The following RNF24 variants were observed in gnomAD, a reference collection of about 807,000 sequenced individuals.
The protein encoded by RNF24 is ring finger protein 24.
In RNF24, 14 loss-of-function variants were observed where a neutral mutation model predicts 20.0. The observed-to-expected ratio is 0.70, with a 90% CI of 0.46 to 1.10. RNF24 has a LOEUF of 1.10. Ranked by LOEUF, RNF24 falls within the 50% of genes least tolerant of loss-of-function variation. The probability of loss-of-function intolerance (pLI) is 0.00; values close to 1 mark genes in which losing one functional copy is unlikely to be tolerated. For synonymous variants in RNF24, 45 were observed against 61.1 expected, an observed-to-expected ratio of 0.74 and a Z score of 1.23; for missense variants, 124 against 177.6, an observed-to-expected ratio of 0.70 and a Z score of 1.71.
chr20:3,996,693 T>G (rs1411863253), intron 1 of RNF24, among the ~76,000 whole-genome samples: 1 of 152,218 alleles, frequency 6.6e-6, no homozygotes, highest in Admixed American at 6.5e-5. Flanking sequence ...CTGATGCACA[T>G]GAAGTTGTCT....
intron 1 of RNF24, among the ~76,000 whole-genome samples, chr20:4,011,390 G>C (rs1982447868): frequency 6.6e-6 from 1 of 152,174 alleles, no homozygotes; most frequent in African/African-American, 2.4e-5. Context: ...GGAAGACACA[G>C]GGTCCAGGAA....
chr20:3,940,498 A>G (rs1322966748), intron 4 of RNF24, among the ~76,000 whole-genome samples: 1 of 152,094 alleles, frequency 6.6e-6, no homozygotes, highest in Non-Finnish European at 1.5e-5. Flanking sequence ...AGGAGAGAGA[A>G]AGAGTGAAAT....
Position 3,998,231 on chromosome 20 carries a change from G to A in RNF24, c.-8+17206C>T, listed in dbSNP as rs369140515. ...CAAGGCGGGCGGATCACAAGGTCAG[G>A]AGTTCGAGAGCAACCTGACCAACAA... On this transcript the variant is annotated intron_variant, in intron 1 of 5. Transcript: ENST00000358395. Among the ~76,000 whole-genome samples the A allele has an allele frequency of 1.2e-4, 18 of 151,830 alleles. No individual in the cohort carries two copies. In the East Asian group the frequency reaches 3.5e-3, roughly 30 times the overall value.
At position 3,933,806 on chromosome 20, in the gene RNF24, C is replaced by T. The variant is rs1441427861; in HGVS notation, c.*257G>A. 1 of 310,502 alleles carries T rather than the reference C, an allele frequency of 3.2e-6. No homozygotes were observed. Among genetic ancestry groups the T allele is most frequent in the Non-Finnish European group, 5.9e-6 (1 of 170,100 alleles). 19.2% of individuals were successfully genotyped at this position (310,502 alleles called of 1,614,324 possible). ...GAGTGTAATGGAGTTAGTAAGAGAC[C>T]CTCATGAAGTTTCTTGAGGCAAACC... On this transcript the variant is annotated 3_prime_UTR_variant, in exon 6 of 6. Coordinates refer to ENST00000358395, the MANE Select transcript of RNF24 (RefSeq NM_001134337.3).
chr20:3,939,574 T>A (rs1459645958), intron 4 of RNF24, among the ~76,000 whole-genome samples: 1 of 152,236 alleles, frequency 6.6e-6, no homozygotes, highest in East Asian at 1.9e-4. Context: ...AATATACCTG[T>A]GTCACATGTA....
At chr20:3,949,915 T>C (rs796797118) in intron 2 of RNF24, among the ~76,000 whole-genome samples, 13 of 152,326 alleles carry the variant, frequency 8.5e-5, no homozygotes, top group African/African-American at 3.1e-4. Flanking sequence ...CAATTTGTTG[T>C]TTTACCTAAC....
chr20:4,004,408 C>A (rs1253709313), intron 1 of RNF24, among the ~76,000 whole-genome samples: 1 of 152,066 alleles, frequency 6.6e-6, no homozygotes, highest in African/African-American at 2.4e-5. Context: ...ATCTTACTCT[C>A]TTGAGTGGAT....
rs995231947 is a variant in RNF24, at chr20:3,930,506, A to G, written c.*3557T>C. 1.3e-5 allele frequency: 2 copies of G among 152,106 alleles called. No homozygotes were observed. The highest frequency in any genetic ancestry group is 1.3e-4 in the Admixed American group (2 of 15,276). The allele number at this position is 152,106 out of a possible 1,614,324, so 9.4% of individuals were successfully genotyped here. On this transcript the variant is annotated 3_prime_UTR_variant, in exon 6 of 6. Coordinates refer to ENST00000358395, the MANE Select transcript of RNF24 (RefSeq NM_001134337.3). ...AAGAGGTGCCAGGGACGTTACTACA[A>G]TCCCTGGGTGGTAGCTAAGGAAGCT... is the stretch of plus-strand genomic sequence containing the variant.
intron 1 of RNF24, among the ~76,000 whole-genome samples, chr20:3,996,758 C>T (rs971883655): frequency 2.6e-5 from 4 of 152,148 alleles, no homozygotes; most frequent in Non-Finnish European, 5.9e-5. Context: ...TGCTTCATCC[C>T]TTTCTCCATC....
chr20:3,984,035 G>A (rs1979669537), intron 1 of RNF24, among the ~76,000 whole-genome samples: 1 of 151,314 alleles, frequency 6.6e-6, no homozygotes. Flanking sequence ...AGGGTAGGAG[G>A]ACAACTTGAG....
chr20:3,980,955 G>A (rs1015208139), intron 1 of RNF24, among the ~76,000 whole-genome samples: 1 of 148,756 alleles, frequency 6.7e-6, no homozygotes, highest in Non-Finnish European at 1.5e-5. Context: ...TGCACAATTT[G>A]TGTGTGTGTG....
At chr20:3,935,689 C>T (rs2090882238) in intron 4 of RNF24, among the ~76,000 whole-genome samples, 1 of 152,230 alleles carries the variant, frequency 6.6e-6, no homozygotes, top group Non-Finnish European at 1.5e-5. Flanking sequence ...GACTAGTCTC[C>T]ATGGCTTGGA....
rs150928983 is a variant in RNF24, at chr20:4,011,942, T to C, written c.-8+3495A>G. Reference sequence around the variant, plus strand: ...GTATAAACATTAAAAATGAAATAAGTATAAAGGTAAATACCAAAAGAAACC... The same window carrying C: ...GTATAAACATTAAAAATGAAATAAGCATAAAGGTAAATACCAAAAGAAACC... On this transcript the variant is annotated intron_variant, in intron 1 of 5. Coordinates refer to ENST00000358395, the MANE Select transcript of RNF24 (RefSeq NM_001134337.3). Among the ~76,000 whole-genome samples the C allele has an allele frequency of 6.4e-4, 98 of 152,198 alleles. 2 individuals are homozygous for C. The highest frequency in any genetic ancestry group is 6.1e-3 in the Admixed American group (94 of 15,290).
chr20:3,997,413 G>A (rs905774110), intron 1 of RNF24, among the ~76,000 whole-genome samples: 1 of 151,692 alleles, frequency 6.6e-6, no homozygotes, highest in African/African-American at 2.4e-5. Flanking sequence ...TCTAATTCTA[G>A]GTCAGAAAAA....
rs897719820 is a variant in RNF24, at chr20:3,932,951, G to A, written c.*1112C>T. 12 of 398,378 alleles carry A rather than the reference G, an allele frequency of 3.0e-5. No individual in the cohort carries two copies. Among genetic ancestry groups the A allele is most frequent in the Non-Finnish European group, 5.3e-5 (12 of 226,078 alleles). The allele number at this position is 398,378 out of a possible 1,614,324, so 24.7% of individuals were successfully genotyped here. ...AAATACTGAGGCACACACCAACGGT[G>A]GACAGCCCTGCAGGAGCTTCCTGAA... On this transcript the variant is annotated 3_prime_UTR_variant, in exon 6 of 6. Coordinates refer to ENST00000358395, the MANE Select transcript of RNF24 (RefSeq NM_001134337.3).
chr20:3,939,956 GAA>G (rs1002573857), intron 4 of RNF24, among the ~76,000 whole-genome samples: 1 of 150,950 alleles, frequency 6.6e-6, no homozygotes, highest in Non-Finnish European at 1.5e-5. Flanking sequence ...TATTACAAAC[GAA>G]AAAAAAATTT....
intron 1 of RNF24, among the ~76,000 whole-genome samples, chr20:3,981,977 G>A (rs903961528): frequency 2.6e-5 from 4 of 151,944 alleles, no homozygotes; most frequent in Admixed American, 6.6e-5. Context: ...AATTAGCTGG[G>A]TATGGTGGTG....
intron 1 of RNF24, among the ~76,000 whole-genome samples, chr20:4,011,558 A>G (rs768888281): frequency 3.9e-5 from 6 of 152,250 alleles, no homozygotes; most frequent in Non-Finnish European, 8.8e-5. Flanking sequence ...TGGGGAAAAG[A>G]TATGAAAGTG....
chr20:3,968,301 A>G (rs894688332), intron 1 of RNF24, among the ~76,000 whole-genome samples: 1 of 151,422 alleles, frequency 6.6e-6, no homozygotes, highest in African/African-American at 2.4e-5. Context: ...CTCCATCTCA[A>G]AGGAAAAAAA....
Sources: gnomAD v4.1 joint callset for allele counts (sites outside exome capture counted in the v4.1 genomes callset) on GRCh38, gnomAD v4.1.1 for gene constraint, MANE v1.5 for transcripts, NCBI Gene and HGNC (gene_info 2026-07-23, HGNC 2026-07-21) for gene names.